Variants in SYT16 observed in about 807,000 individuals in gnomAD.
SYT16 encodes synaptotagmin-16.
Under a neutral mutation model 61.4 loss-of-function variants are expected in SYT16, and 42 were observed. The observed-to-expected ratio is 0.68, with a 90% CI of 0.53 to 0.89. The LOEUF (loss-of-function observed/expected upper bound fraction) is 0.89, where lower values mean the gene tolerates loss of function less well. Ranked by LOEUF, SYT16 falls within the 40% of genes least tolerant of loss-of-function variation. SYT16 has a pLI of 0.00. For synonymous variants in SYT16, 314 were observed against 302.3 expected, an observed-to-expected ratio of 1.04 and a Z score of -0.40; for missense variants, 804 against 807.3, an observed-to-expected ratio of 1.00 and a Z score of 0.05.
chr14:61,969,292 T>C (rs2051445543), intron 1 of SYT16, among the ~76,000 whole-genome samples: 2 of 152,232 alleles, frequency 1.3e-5, no homozygotes, highest in Non-Finnish European at 2.9e-5. Flanking sequence ...ATGTCTTTAC[T>C]GAATGTTACT....
intron 1 of SYT16, among the ~76,000 whole-genome samples, chr14:61,937,228 C>G (rs986544167): frequency 6.6e-6 from 1 of 152,238 alleles, no homozygotes; most frequent in East Asian, 1.9e-4. Context: ...AGTTGGTTAT[C>G]ATTTGTAATT....
chr14:61,955,919 G>T (rs192569876), intron 1 of SYT16, among the ~76,000 whole-genome samples: 1 of 151,896 alleles, frequency 6.6e-6, no homozygotes, highest in Non-Finnish European at 1.5e-5. Context: ...ACTGTAAAAG[G>T]GTTCCCTTTT....
At position 61,910,512 on chromosome 14, in the gene SYT16, G is replaced by A. The variant is rs533080724; in HGVS notation, c.-324-59620G>A. ...CCTTGGCCTCCCAAAGCACTGAGCC[G>A]CCGCATCCCGCTGTTTTGTTTTTTT... On this transcript the variant is annotated intron_variant, in intron 1 of 7. Transcript: ENST00000683842. Among the ~76,000 whole-genome samples, 44 of 136,050 alleles carry A rather than the reference G, an allele frequency of 3.2e-4. No homozygotes were observed. In the East Asian group the frequency reaches 6.6e-3, roughly 20 times the overall value. The allele number at this position is 136,050 out of a possible 152,430, so 89.3% of individuals were successfully genotyped here.
intron 1 of SYT16, among the ~76,000 whole-genome samples, chr14:61,832,610 G>C (rs1166337786): frequency 6.6e-6 from 1 of 151,914 alleles, no homozygotes; most frequent in Non-Finnish European, 1.5e-5. Flanking sequence ...CTAATTTTTT[G>C]TATTTTTAGT....
chr14:61,892,199 C>T (rs1009981393), intron 1 of SYT16, among the ~76,000 whole-genome samples: 1 of 152,030 alleles, frequency 6.6e-6, no homozygotes, highest in African/African-American at 2.4e-5. Context: ...CGCATCTTTC[C>T]CCTGACCCTC....
chr14:61,857,214 A>G (rs760539558), intron 1 of SYT16, among the ~76,000 whole-genome samples: 1 of 152,186 alleles, frequency 6.6e-6, no homozygotes, highest in African/African-American at 2.4e-5. Context: ...TGCTCAGACA[A>G]TGGGAAGCTG....
At chr14:61,819,615 G>A (rs1379607647) in intron 1 of SYT16, among the ~76,000 whole-genome samples, 2 of 152,158 alleles carry the variant, frequency 1.3e-5, no homozygotes, top group African/African-American at 4.8e-5. Context: ...TACCCACCCT[G>A]CATGAAAATG....
At chr14:61,867,388 A>G (rs776715014) in intron 1 of SYT16, among the ~76,000 whole-genome samples, 23 of 152,076 alleles carry the variant, frequency 1.5e-4, no homozygotes, top group Non-Finnish European at 3.2e-4. Context: ...TTATTTGCTG[A>G]TTTAACCTCA....
At chr14:62,072,036 AG>A (rs1230470201) in intron 4 of SYT16, among the ~76,000 whole-genome samples, 1 of 152,182 alleles carries the variant, frequency 6.6e-6, no homozygotes, top group East Asian at 1.9e-4. Context: ...ATAACGTTAA[AG>A]AGGGTTTTTG....
chr14:61,944,798 T>A (rs2050353751), intron 1 of SYT16, among the ~76,000 whole-genome samples: 1 of 152,140 alleles, frequency 6.6e-6, no homozygotes, highest in South Asian at 2.1e-4. Context: ...GAAGAAAACC[T>A]AGGCAATACT....
chr14:62,016,619 A>G (rs1047173791), intron 3 of SYT16, among the ~76,000 whole-genome samples: 2 of 151,644 alleles, frequency 1.3e-5, no homozygotes, highest in Non-Finnish European at 2.9e-5. Context: ...AGGCTGAGGC[A>G]GGAGAATGGC....
In SYT16 at chr14:62,111,499, CAAAGGCAGTCAGT is replaced by C. The variant is rs1350067212; in HGVS notation, c.*10795_*10807del. ...GACTGTGCTGAGTTTTGGTGGTTGT[CAAAGGCAGTCAGT>C]AATTTTATAAATTTCACTTTTGTGG... is the stretch of plus-strand genomic sequence containing the variant. On this transcript the variant is annotated 3_prime_UTR_variant, in exon 8 of 8. Transcript: ENST00000683842. 1 of 152,044 alleles carries C rather than the reference CAAAGGCAGTCAGT, an allele frequency of 6.6e-6. No homozygotes were observed. The highest frequency in any genetic ancestry group is 2.4e-5 in the African/African-American group (1 of 41,428). 9.4% of individuals were successfully genotyped at this position (152,044 alleles called of 1,614,324 possible). A position where few individuals can be genotyped will look rare whatever the true frequency, so the allele number is the denominator to read the frequency against.
chr14:61,992,155 G>A (rs2052579664), intron 2 of SYT16, among the ~76,000 whole-genome samples: 1 of 152,078 alleles, frequency 6.6e-6, no homozygotes, highest in Non-Finnish European at 1.5e-5. Flanking sequence ...ACACTCTGAG[G>A]CCACACCTTT....
At chr14:62,043,102 T>C (rs1595240958) in intron 3 of SYT16, among the ~76,000 whole-genome samples, 1 of 149,198 alleles carries the variant, frequency 6.7e-6, no homozygotes, top group Non-Finnish European at 1.5e-5. Flanking sequence ...GGTTTCTCTT[T>C]TTTTTTTTTT....
Position 61,842,776 on chromosome 14 carries a change from G to T in SYT16, c.-325+29966G>T, listed in dbSNP as rs186853345. Among the ~76,000 whole-genome samples, 1,112 of 151,452 alleles carry T rather than the reference G, an allele frequency of 7.3e-3. 11 individuals carry two copies. The highest frequency in any genetic ancestry group is 0.014 in the Middle Eastern group (4 of 294). Reference sequence around the variant, plus strand: ...AACATCACACACCGGGGACTGTTAGGGGGTGGGGGGAGCGGGGAGGGATAG... The same window carrying T: ...AACATCACACACCGGGGACTGTTAGTGGGTGGGGGGAGCGGGGAGGGATAG... On this transcript the variant is annotated intron_variant, in intron 1 of 7. Coordinates refer to ENST00000683842, the MANE Select transcript of SYT16 (RefSeq NM_001367656.1).
In SYT16 at chr14:62,100,436, A is replaced by C; in HGVS notation, c.1667A>C (p.Glu556Ala). Residue 556 changes from glutamate (E) to alanine (A), a missense_variant, in exon 8 of 8, where the codon GAG becomes GCG. By Grantham distance (107) the Glu-to-Ala change is moderately radical (BLOSUM62 -1). Coordinates refer to ENST00000683842, the MANE Select transcript of SYT16 (RefSeq NM_001367656.1). ...KLFLLNSVGQ[E>A]MSRCKTSIRR... is the part of the protein sequence containing the mutation. ...TTTCTCCTCAATTCTGTGGGTCAAG[A>C]GATGTCCCGTTGCAAGACGTCCATT... 1 of 1,612,946 alleles carries C rather than the reference A, an allele frequency of 6.2e-7. No individual in the cohort carries two copies. The highest frequency in any genetic ancestry group is 1.3e-5 in the African/African-American group (1 of 74,962).
intron 1 of SYT16, among the ~76,000 whole-genome samples, chr14:61,850,425 G>A (rs564696480): frequency 1.3e-5 from 2 of 152,106 alleles, no homozygotes; most frequent in African/African-American, 4.8e-5. Flanking sequence ...ATGAGCCACC[G>A]TGCCTGGCCT....
At chr14:61,950,531 G>A (rs1170849663) in intron 1 of SYT16, among the ~76,000 whole-genome samples, 1 of 152,200 alleles carries the variant, frequency 6.6e-6, no homozygotes, top group Non-Finnish European at 1.5e-5. Flanking sequence ...CAGATGATGT[G>A]CAGCAGAGTG....
At chr14:61,964,913 C>T (rs1327020396) in intron 1 of SYT16, among the ~76,000 whole-genome samples, 1 of 149,800 alleles carries the variant, frequency 6.7e-6, no homozygotes, top group Non-Finnish European at 1.5e-5. Context: ...TTTTTTTTAG[C>T]AATAAAGTAT....
Sources: gnomAD v4.1 joint callset for allele counts (sites outside exome capture counted in the v4.1 genomes callset) on GRCh38, gnomAD v4.1.1 for gene constraint, MANE v1.5 for transcripts, NCBI Gene and HGNC (gene_info 2026-07-23, HGNC 2026-07-21) for gene names.